The following CHD2 variants were observed in gnomAD, a reference collection of about 807,000 sequenced individuals.
CHD2 encodes ATP-dependent chromatin remodeler CHD2.
A neutral mutation model predicts 243.9 loss-of-function variants in CHD2; 28 were observed. That is an observed-to-expected ratio of 0.11 (90% confidence interval 0.09 to 0.16). CHD2 has a LOEUF of 0.16. CHD2 is among the 10% of genes least tolerant of loss of function. The probability of loss-of-function intolerance (pLI) is 1.00; values close to 1 mark genes in which losing one functional copy is unlikely to be tolerated. For missense variants in CHD2, 1,386 were observed against 2,209.8 expected (o/e 0.63, Z 7.47); for synonymous variants, 775 against 779.0 (o/e 0.99, Z 0.09).
At chr15:92,928,563 G>A (rs1473069321) in intron 4 of CHD2, among the ~76,000 whole-genome samples, 1 of 152,192 alleles carries the variant, frequency 6.6e-6, no homozygotes, top group Non-Finnish European at 1.5e-5. Context: ...AAATGTTGTG[G>A]CATTTTTATT....
chr15:93,000,925 A>T (rs779872219), intron 32 of CHD2, among the ~76,000 whole-genome samples: 1 of 152,100 alleles, frequency 6.6e-6, no homozygotes, highest in African/African-American at 2.4e-5. Context: ...CTGGAGTGCA[A>T]TGGCACAATC....
At position 92,993,839 on chromosome 15, in the gene CHD2, A is replaced by G. The variant is rs553914891; in HGVS notation, c.3595+841A>G. 1.2e-4 allele frequency among the ~76,000 whole-genome samples: 19 copies of G among 152,184 alleles called. No individual in the cohort carries two copies. In the South Asian group the frequency reaches 2.7e-3, roughly 22 times the overall value. On this transcript the variant is annotated intron_variant, in intron 28 of 38. Transcript: ENST00000394196. The stretch of plus-strand genomic sequence containing the variant: ...GATGCACACCTGTAATCCCAGCTAC[A>G]TGGGAGGCTGAGGTGGGAGGTTCGA...
chr15:92,955,250 C>G (rs567491261), intron 14 of CHD2, among the ~76,000 whole-genome samples, 173 bp from the exon 15 acceptor site: 1 of 152,206 alleles, frequency 6.6e-6, no homozygotes, highest in African/African-American at 2.4e-5. Context: ...AATTCTAACT[C>G]TTACTGCTTT....
At chr15:92,947,455 A>G (rs537306758) in intron 12 of CHD2, 1 of 152,398 alleles carries the variant, frequency 6.6e-6, no homozygotes, top group East Asian at 1.9e-4. Flanking sequence ...GATGTTGACA[A>G]GTACATCAAG....
rs148861450 is a variant in CHD2 at position 92,986,952 on chromosome 15, G to A, written c.3413+1279G>A. Among the ~76,000 whole-genome samples the A allele has an allele frequency of 9.9e-4, 150 of 152,122 alleles. 2 individuals are homozygous for A. In the East Asian group the frequency reaches 0.026, roughly 27 times the overall value. On this transcript the variant is annotated intron_variant, in intron 26 of 38. Coordinates refer to ENST00000394196, the MANE Select transcript of CHD2 (RefSeq NM_001271.4). ...AGGTTTCATTATGTTGCCCAGGCTGGTCTCAGACTCCTGGCCTCAAGTATC... is the reference window on the plus strand; with the variant it reads ...AGGTTTCATTATGTTGCCCAGGCTGATCTCAGACTCCTGGCCTCAAGTATC...
chr15:92,928,960 G>A, intron 4 of CHD2, 70 bp from the exon 5 acceptor site: 1 of 1,422,212 alleles, frequency 7.0e-7, no homozygotes, highest in African/African-American at 1.4e-5. Context: ...TGTTGATCCA[G>A]GAGATAGTGT....
intron 33 of CHD2, among the ~76,000 whole-genome samples, chr15:93,003,747 C>T (rs1478533956): frequency 6.6e-6 from 1 of 151,994 alleles, no homozygotes; most frequent in African/African-American, 2.4e-5. Flanking sequence ...CCGAAACCTT[C>T]CTGTTCATGT....
At chr15:92,906,793 A>T (rs1432870774) in intron 2 of CHD2, among the ~76,000 whole-genome samples, 1 of 151,998 alleles carries the variant, frequency 6.6e-6, no homozygotes, top group African/African-American at 2.4e-5. Flanking sequence ...TTAAAAAAAA[A>T]TTCCTCTAAG....
Position 92,944,409 on chromosome 15 carries a change from A to G in CHD2, c.1053-6A>G. On this transcript the variant is annotated splice_polypyrimidine_tract_variant and splice_region_variant and intron_variant, in intron 9 of 38. Coordinates refer to ENST00000394196, the MANE Select transcript of CHD2 (RefSeq NM_001271.4). ...TGTGTACTTTTTCTGTCTGTCTGCC[A>G]TTCAGGTTAGGGAAAGTTTCTCCTG... is the stretch of plus-strand genomic sequence containing the variant. The G allele has an allele frequency of 6.4e-7, 1 of 1,570,222 alleles. No homozygotes were observed. The highest frequency in any genetic ancestry group is 2.2e-5 in the East Asian group (1 of 44,584).
In CHD2 at chr15:92,998,507, G is replaced by C; in HGVS notation, c.3894G>C (p.Pro1298=). The C allele has an allele frequency of 6.2e-7, 1 of 1,613,902 alleles. No individual in the cohort carries two copies. Among genetic ancestry groups the C allele is most frequent in the Non-Finnish European group, 8.5e-7 (1 of 1,179,936 alleles). ...TTCCTTTCTTGTTGAAGATTCTGCCGGTGGAGACAGATAAAAAGCCTCAGG... is the reference window on the plus strand; with the variant it reads ...TTCCTTTCTTGTTGAAGATTCTGCCCGTGGAGACAGATAAAAAGCCTCAGG... ...PELKLTDKIL[P]VETDKKPQGK... The change falls in exon 31 of 39, where the codon CCG becomes CCC. Residue 1298 remains proline (P), a synonymous_variant. Coordinates refer to ENST00000394196, the MANE Select transcript of CHD2 (RefSeq NM_001271.4). The surrounding 1 kb of genome is among the most constrained non-coding windows in gnomAD (Gnocchi z 5.1).
chr15:92,951,816 C>T (rs2053558049), intron 13 of CHD2, among the ~76,000 whole-genome samples: 1 of 152,186 alleles, frequency 6.6e-6, no homozygotes, highest in Non-Finnish European at 1.5e-5. Flanking sequence ...CTTCATCATT[C>T]TCCCTTTCCC....
intron 24 of CHD2, among the ~76,000 whole-genome samples, chr15:92,981,970 G>A (rs2053986001): frequency 6.6e-6 from 1 of 152,154 alleles, no homozygotes; most frequent in Non-Finnish European, 1.5e-5. Flanking sequence ...AATAGGAGGT[G>A]GCAGCACAGA....
At chr15:92,920,534 A>G (rs1158800914) in intron 2 of CHD2, among the ~76,000 whole-genome samples, 2 of 152,218 alleles carry the variant, frequency 1.3e-5, no homozygotes, top group Non-Finnish European at 2.9e-5. Flanking sequence ...TTCAACACAG[A>G]ACACTATAAA....
intron 28 of CHD2, among the ~76,000 whole-genome samples, chr15:92,996,258 C>T (rs1182057982): frequency 1.3e-5 from 2 of 149,182 alleles, no homozygotes; most frequent in African/African-American, 4.9e-5. Flanking sequence ...CTCCTGGGTT[C>T]ACACCATTCT....
chr15:92,979,794 T>C (rs901525703), intron 22 of CHD2, among the ~76,000 whole-genome samples: 1 of 151,986 alleles, frequency 6.6e-6, no homozygotes. Context: ...GGCAGGCGCC[T>C]GTAGTCTCAG....
chr15:93,002,930 A>G (rs1273859484), intron 33 of CHD2, among the ~76,000 whole-genome samples: 1 of 152,154 alleles, frequency 6.6e-6, no homozygotes, highest in Non-Finnish European at 1.5e-5. Flanking sequence ...TGCCTTTGAA[A>G]CTTTTACTTT....
At chr15:92,939,828 C>T in intron 7 of CHD2, 110 bp downstream of exon 7, 1 of 1,172,840 alleles carries the variant, frequency 8.5e-7, no homozygotes, top group Admixed American at 2.4e-5. Flanking sequence ...AAATAACAGC[C>T]TATGTCCTGA....
chr15:92,920,042 C>A (rs17609875), intron 2 of CHD2, among the ~76,000 whole-genome samples: 9,870 of 152,222 alleles, frequency 0.065, 430 homozygotes, highest in South Asian at 0.11. Flanking sequence ...ATGGAACTCA[C>A]AAGTATACTT....
rs1184568782 is a variant in CHD2 at position 92,939,699 on chromosome 15, A to C, written c.673A>C (p.Arg225=). 1 of 1,613,760 alleles carries C rather than the reference A, an allele frequency of 6.2e-7. No homozygotes were observed. The highest frequency in any genetic ancestry group is 8.5e-7 in the Non-Finnish European group (1 of 1,179,974). ...AGCTCCCAAAAGGCAGACTCGTCGA[A>C]GAGCGGCTAAAAACGTTAGGTAAGT... ...DEAPKRQTRR[R]AAKNVSYKED... is the part of the protein sequence containing the mutation. The change falls in exon 7 of 39, where the codon AGA becomes CGA. Residue 225 remains arginine, a synonymous_variant. Transcript: ENST00000394196.
Sources: allele counts gnomAD v4.1 joint callset (sites outside exome capture counted in the v4.1 genomes callset), GRCh38; gene constraint gnomAD v4.1.1; non-coding constraint Gnocchi (gnomAD v3.1); transcripts MANE v1.5; gene names NCBI Gene and HGNC (gene_info 2026-07-23, HGNC 2026-07-21).